Variants in NDST4 observed in about 807,000 individuals in gnomAD.
NDST4 encodes the protein N-heparan sulfate sulfotransferase 4.
In NDST4, 63 loss-of-function variants were observed where a neutral mutation model predicts 100.8. The ratio of observed to expected loss-of-function variants is 0.62; its 90% CI spans 0.51 to 0.77. The LOEUF is 0.77. NDST4 is among the 30% of genes least tolerant of loss of function. NDST4 has a pLI of 0.00. For missense variants in NDST4, 943 were observed against 1,018.4 expected (o/e 0.93, Z 1.01); for synonymous variants, 377 against 361.8 (o/e 1.04, Z -0.48).
intron 2 of NDST4, among the ~76,000 whole-genome samples, chr4:115,062,468 C>T (rs576916734): frequency 4.0e-5 from 6 of 151,600 alleles, no homozygotes; most frequent in African/African-American, 9.7e-5. Context: ...TGCCCACAAG[C>T]GATGCATGAT....
At chr4:114,867,989 C>A (rs1054332473) in intron 7 of NDST4, among the ~76,000 whole-genome samples, 17 of 152,130 alleles carry the variant, frequency 1.1e-4, no homozygotes, top group Non-Finnish European at 1.5e-5. Context: ...GACAAAGCAG[C>A]TTCACATACA....
Position 115,076,525 on chromosome 4 carries a change from C to G in NDST4, c.512G>C (p.Ser171Thr), listed in dbSNP as rs1395511707. 2 of 1,613,880 alleles carry G rather than the reference C, an allele frequency of 1.2e-6. No individual in the cohort carries two copies. Among genetic ancestry groups the G allele is most frequent in the African/African-American group, 2.7e-5 (2 of 74,926 alleles). The change falls in exon 2 of 14, where the codon AGC becomes ACC. Residue 171 changes from serine to threonine, a missense_variant. Transcript: ENST00000264363. ...IIGFHKANEN[S>T]LPSTQLKGFP... is the part of the protein sequence containing the mutation. ...GCCTTTTAATTGTGTACTTGGTAAG[C>G]TGTTCTCATTGGCTTTATGAAAACC...
At chr4:115,108,756 C>T (rs1400484383) in intron 1 of NDST4, among the ~76,000 whole-genome samples, 2 of 151,836 alleles carry the variant, frequency 1.3e-5, no homozygotes, top group Non-Finnish European at 2.9e-5. Context: ...ATAAATCTCC[C>T]ACCCTATTTC....
intron 11 of NDST4, among the ~76,000 whole-genome samples, chr4:114,836,059 G>A (rs1723299482): frequency 6.6e-6 from 1 of 152,058 alleles, no homozygotes; most frequent in Admixed American, 6.6e-5. Context: ...CCTTGAATAT[G>A]TATCTGATTT....
At chr4:114,831,435 T>C (rs1014705481) in intron 12 of NDST4, among the ~76,000 whole-genome samples, 2 of 152,220 alleles carry the variant, frequency 1.3e-5, no homozygotes, top group African/African-American at 4.8e-5. Context: ...GAAAAACAAT[T>C]CAGCATGCTG....
intron 4 of NDST4, among the ~76,000 whole-genome samples, chr4:114,941,172 G>A (rs1256955675): frequency 6.6e-6 from 1 of 152,162 alleles, no homozygotes; most frequent in African/African-American, 2.4e-5. Context: ...ATCATTCTGT[G>A]AGGAGGACTG....
intron 2 of NDST4, among the ~76,000 whole-genome samples, chr4:115,021,780 T>C (rs1727832252): frequency 6.7e-6 from 1 of 150,356 alleles, no homozygotes; most frequent in Non-Finnish European, 1.5e-5. Context: ...ACACATTCCA[T>C]ATATATACCT....
chr4:115,052,809 A>T (rs2126279674), intron 2 of NDST4, among the ~76,000 whole-genome samples: 1 of 152,214 alleles, frequency 6.6e-6, no homozygotes, highest in South Asian at 2.1e-4. Flanking sequence ...AATTCTAGAA[A>T]CACTGTACAG....
intron 6 of NDST4, among the ~76,000 whole-genome samples, chr4:114,897,256 C>T (rs1439886834): frequency 6.6e-6 from 1 of 152,100 alleles, no homozygotes; most frequent in African/African-American, 2.4e-5. Context: ...TCCCTCTAAC[C>T]CCTGGCAGGC....
At chr4:115,059,999 T>G (rs938767358) in intron 2 of NDST4, among the ~76,000 whole-genome samples, 3 of 151,974 alleles carry the variant, frequency 2.0e-5, no homozygotes, top group African/African-American at 4.8e-5. Context: ...TTTTCTTCTG[T>G]TTTCTCAGAT....
chr4:114,985,462 T>A (rs906411404), intron 2 of NDST4, among the ~76,000 whole-genome samples: 2 of 152,322 alleles, frequency 1.3e-5, no homozygotes, highest in South Asian at 2.1e-4. Context: ...ATCAAGCTTT[T>A]ACTATGTGTT....
At chr4:114,957,454 T>A (rs1489007708) in intron 4 of NDST4, among the ~76,000 whole-genome samples, 1 of 152,146 alleles carries the variant, frequency 6.6e-6, no homozygotes, top group Non-Finnish European at 1.5e-5. Flanking sequence ...TTCAATTACC[T>A]CCCACTGGGT....
At chr4:114,835,744 C>T (rs1413830718) in intron 11 of NDST4, among the ~76,000 whole-genome samples, 2 of 152,146 alleles carry the variant, frequency 1.3e-5, no homozygotes, top group Non-Finnish European at 2.9e-5. Context: ...GTGTGGGAGT[C>T]TAAGTCTCTT....
intron 6 of NDST4, among the ~76,000 whole-genome samples, chr4:114,912,962 T>C (rs1725093512): frequency 6.6e-6 from 1 of 152,048 alleles, no homozygotes; most frequent in Non-Finnish European, 1.5e-5. Flanking sequence ...TATATCCATC[T>C]TTACTCAATT....
chr4:115,111,797 T>G (rs963345861), intron 1 of NDST4, among the ~76,000 whole-genome samples: 1 of 151,826 alleles, frequency 6.6e-6, no homozygotes, highest in Admixed American at 6.6e-5. Flanking sequence ...AAAAGGCCCA[T>G]TCTGCTTAGT....
chr4:114,990,531 C>G lies in NDST4; in HGVS notation c.979-13257G>C, dbSNP rs148026551. Among the ~76,000 whole-genome samples, 410 of 152,160 alleles carry G rather than the reference C, an allele frequency of 2.7e-3. 1 individual carries two copies. Among genetic ancestry groups the G allele is most frequent in the African/African-American group, 9.4e-3 (390 of 41,556 alleles). The stretch of plus-strand genomic sequence containing the variant: ...GTTTGACATTGCAAATATCTCTTAT[C>G]TTGGGCCAGCAGTGAGATAAAGTCA... On this transcript the variant is annotated intron_variant, in intron 2 of 13. Coordinates refer to ENST00000264363, the MANE Select transcript of NDST4 (RefSeq NM_022569.3).
intron 4 of NDST4, among the ~76,000 whole-genome samples, chr4:114,961,031 T>C (rs1376883574): frequency 6.6e-6 from 1 of 152,146 alleles, no homozygotes; most frequent in African/African-American, 2.4e-5. Context: ...AATGTTTCTA[T>C]ACTTCACTGG....
chr4:114,851,032 T>C (rs1237340577), intron 8 of NDST4, among the ~76,000 whole-genome samples: 4 of 152,160 alleles, frequency 2.6e-5, no homozygotes, highest in Non-Finnish European at 5.9e-5. Flanking sequence ...CAAAGTGAAA[T>C]ATCACGTCTT....
chr4:115,110,937 C>T (rs188879778), intron 1 of NDST4, among the ~76,000 whole-genome samples: 1 of 152,142 alleles, frequency 6.6e-6, no homozygotes, highest in African/African-American at 2.4e-5. Flanking sequence ...GCTTCTCTGT[C>T]TTGGCTTCCA....
Sources: allele counts gnomAD v4.1 joint callset (sites outside exome capture counted in the v4.1 genomes callset), GRCh38; gene constraint gnomAD v4.1.1; transcripts MANE v1.5; gene names NCBI Gene and HGNC (gene_info 2026-07-23, HGNC 2026-07-21).